The following TMTC1 variants were observed in gnomAD, a reference collection of about 807,000 sequenced individuals.
TMTC1 encodes transmembrane O-mannosyltransferase targeting cadherins 1.
A neutral mutation model predicts 104.8 loss-of-function variants in TMTC1; 73 were observed. The ratio of observed to expected loss-of-function variants is 0.70; its 90% CI spans 0.58 to 0.85. TMTC1 has a LOEUF of 0.85. TMTC1 is among the 40% of genes least tolerant of loss of function. The probability of loss-of-function intolerance (pLI) is 0.00; values close to 1 mark genes in which losing one functional copy is unlikely to be tolerated. For synonymous variants in TMTC1, 434 were observed against 428.7 expected (o/e 1.01, Z -0.15); for missense variants, 1,035 against 1,096.1 (o/e 0.94, Z 0.79).
intron 6 of TMTC1, among the ~76,000 whole-genome samples, chr12:29,611,279 T>C (rs1262587351): frequency 6.6e-6 from 1 of 151,994 alleles, no homozygotes; most frequent in East Asian, 1.9e-4. Flanking sequence ...AAACGTCTTC[T>C]CTCACAACAG....
rs1287934380 is a variant in TMTC1 at position 29,502,780 on chromosome 12, G to C, written c.*4066C>G. 3 of 152,178 alleles carry C rather than the reference G, an allele frequency of 2.0e-5. No individual in the cohort carries two copies. Among genetic ancestry groups the C allele is most frequent in the African/African-American group, 7.2e-5 (3 of 41,444 alleles). The allele number at this position is 152,178 out of a possible 1,614,324, so 9.4% of individuals were successfully genotyped here. A position where few individuals can be genotyped will look rare whatever the true frequency, so the allele number is the denominator to read the frequency against. On this transcript the variant is annotated 3_prime_UTR_variant, in exon 18 of 18. Coordinates refer to ENST00000539277, the MANE Select transcript of TMTC1 (RefSeq NM_001193451.2). ...TTACAAGCTCCCATTCCAGGTGTCA[G>C]CCCTGTAGTGGTTCTCCAGCCTAGC...
intron 5 of TMTC1, among the ~76,000 whole-genome samples, chr12:29,724,322 G>A (rs527398836): frequency 3.9e-5 from 6 of 152,298 alleles, no homozygotes; most frequent in African/African-American, 1.4e-4. Context: ...GTTACAACCA[G>A]TTTGGGAGAA....
chr12:29,715,749 C>T (rs1256391683), intron 5 of TMTC1, among the ~76,000 whole-genome samples: 5 of 152,058 alleles, frequency 3.3e-5, no homozygotes, highest in African/African-American at 7.2e-5. Context: ...AACTTACAAT[C>T]GTGGTGGAAG....
intron 10 of TMTC1, among the ~76,000 whole-genome samples, chr12:29,552,612 T>C (rs1945136430): frequency 6.6e-6 from 1 of 152,290 alleles, no homozygotes; most frequent in Non-Finnish European, 1.5e-5. Flanking sequence ...ATTTCCTTAC[T>C]AAAGGACTTT....
chr12:29,683,727 C>T (rs1940997903), intron 5 of TMTC1, among the ~76,000 whole-genome samples: 1 of 152,116 alleles, frequency 6.6e-6, no homozygotes, highest in Non-Finnish European at 1.5e-5. Context: ...ATGTAGCATA[C>T]CTGAAAGAAG....
chr12:29,731,811 T>C (rs1942553256), intron 5 of TMTC1, among the ~76,000 whole-genome samples: 1 of 152,208 alleles, frequency 6.6e-6, no homozygotes, highest in Non-Finnish European at 1.5e-5. Flanking sequence ...ACTGACCTAA[T>C]TCTTCCAAGC....
At chr12:29,774,417 G>T (rs1278770356) in intron 1 of TMTC1, among the ~76,000 whole-genome samples, 2 of 152,132 alleles carry the variant, frequency 1.3e-5, no homozygotes, top group African/African-American at 2.4e-5. Flanking sequence ...GTAACACAAA[G>T]AATAGAGTAC....
intron 5 of TMTC1, among the ~76,000 whole-genome samples, chr12:29,677,104 T>C (rs10843477): frequency 0.29 from 43,367 of 152,126 alleles, 6,250 homozygotes; most frequent in East Asian, 0.34. Flanking sequence ...GATTTTCAGT[T>C]CCACCTTCAA....
At position 29,758,701 on chromosome 12, in the gene TMTC1, T is replaced by C; in HGVS notation, c.554+3A>G. On this transcript the variant is annotated splice_donor_region_variant and intron_variant, in intron 3 of 17. Coordinates refer to ENST00000539277, the MANE Select transcript of TMTC1 (RefSeq NM_001193451.2). ...AGAGAAGGGCATTCTTAGCTACACATACCTGTTGTACGAGAGAAAGGCCAA... is the reference window on the plus strand; with the variant it reads ...AGAGAAGGGCATTCTTAGCTACACACACCTGTTGTACGAGAGAAAGGCCAA... 1.2e-6 allele frequency: 2 copies of C among 1,613,192 alleles called. No individual in the cohort carries two copies. Among genetic ancestry groups the C allele is most frequent in the East Asian group, 4.5e-5 (2 of 44,864 alleles).
In TMTC1 at chr12:29,502,456, C is replaced by T. The variant is rs946306122; in HGVS notation, c.*4390G>A. On this transcript the variant is annotated 3_prime_UTR_variant, in exon 18 of 18. Coordinates refer to ENST00000539277, the MANE Select transcript of TMTC1 (RefSeq NM_001193451.2). ...ATAAACTCTATACCATGGACACCTT[C>T]TATGAGTCACGAAAATATCAGTCAT... The T allele has an allele frequency of 6.6e-6, 1 of 151,958 alleles. No homozygotes were observed. The highest frequency in any genetic ancestry group is 1.5e-5 in the Non-Finnish European group (1 of 68,002). 9.4% of individuals were successfully genotyped at this position (151,958 alleles called of 1,614,324 possible). A position where few individuals can be genotyped will look rare whatever the true frequency, so the allele number is the denominator to read the frequency against.
At chr12:29,700,708 A>C (rs73273636) in intron 5 of TMTC1, among the ~76,000 whole-genome samples, 2 of 152,150 alleles carry the variant, frequency 1.3e-5, no homozygotes, top group Admixed American at 1.3e-4. Context: ...TATTAATAGA[A>C]TATTTCTCAT....
Position 29,749,681 on chromosome 12 carries a change from GC to G in TMTC1, c.938+1984del, listed in dbSNP as rs1360208042. On this transcript the variant is annotated intron_variant, in intron 5 of 17. Coordinates refer to ENST00000539277, the MANE Select transcript of TMTC1 (RefSeq NM_001193451.2). ...CTTCCCTTTTCCTTGGGAATTTCAT[GC>G]ATTATTATGATTTTATTCTCTCCCC... 2.6e-5 allele frequency among the ~76,000 whole-genome samples: 4 copies of G among 151,804 alleles called. No homozygotes were observed. In the East Asian group the frequency reaches 7.7e-4, roughly 29 times the overall value.
At chr12:29,522,754 C>T (rs947021817) in intron 11 of TMTC1, among the ~76,000 whole-genome samples, 2 of 152,308 alleles carry the variant, frequency 1.3e-5, no homozygotes, top group South Asian at 4.1e-4. Flanking sequence ...GATTTGACTG[C>T]GTGGATTCAA....
At chr12:29,719,809 G>A (rs1020333549) in intron 5 of TMTC1, among the ~76,000 whole-genome samples, 1 of 152,190 alleles carries the variant, frequency 6.6e-6, no homozygotes, top group Admixed American at 6.5e-5. Flanking sequence ...TAGCTCATCA[G>A]TATACTCACA....
chr12:29,643,364 TC>T, intron 5 of TMTC1, among the ~76,000 whole-genome samples: 2 of 121,332 alleles, frequency 1.6e-5, no homozygotes, highest in Middle Eastern at 8.9e-3. Context: ...GCAGCACAAT[TC>T]ACAATAGCAC....
At chr12:29,537,908 A>G (rs1592194981) in intron 10 of TMTC1, among the ~76,000 whole-genome samples, 1 of 152,362 alleles carries the variant, frequency 6.6e-6, no homozygotes. Flanking sequence ...AAAAACCGCC[A>G]TGCTTCCAAC....
chr12:29,722,792 G>A (rs900074029), intron 5 of TMTC1, among the ~76,000 whole-genome samples: 4 of 151,728 alleles, frequency 2.6e-5, no homozygotes, highest in Admixed American at 6.6e-5. Flanking sequence ...GTGGTGGCAC[G>A]CGCCTATAGT....
intron 6 of TMTC1, among the ~76,000 whole-genome samples, chr12:29,631,610 T>C (rs1938301922): frequency 6.6e-6 from 1 of 152,196 alleles, no homozygotes; most frequent in African/African-American, 2.4e-5. Context: ...TTTAAAAAAC[T>C]GAGTTTGATC....
chr12:29,734,733 G>A (rs563999173), intron 5 of TMTC1, among the ~76,000 whole-genome samples: 3 of 152,258 alleles, frequency 2.0e-5, no homozygotes, highest in Admixed American at 6.5e-5. Flanking sequence ...AATTTCAGTA[G>A]TTGGTTATTT....
Sources: gnomAD v4.1 joint callset for allele counts (sites outside exome capture counted in the v4.1 genomes callset) on GRCh38, gnomAD v4.1.1 for gene constraint, MANE v1.5 for transcripts, NCBI Gene and HGNC (gene_info 2026-07-23, HGNC 2026-07-21) for gene names.